STK33: variants seen among roughly 807,000 people sequenced by gnomAD.
STK33 encodes serine/threonine-protein kinase 33.
STK33 carries 52 observed loss-of-function variants against 58.0 expected under a neutral mutation model. The ratio of observed to expected loss-of-function variants is 0.90; its 90% CI spans 0.72 to 1.13. The LOEUF (loss-of-function observed/expected upper bound fraction) is 1.13. Ranked by LOEUF, STK33 falls within the 50% of genes most tolerant of loss-of-function variation. The pLI is 0.00. For missense variants in STK33, 630 were observed against 604.2 expected, an observed-to-expected ratio of 1.04 and a Z score of -0.45; for synonymous variants, 215 against 200.1, an observed-to-expected ratio of 1.07 and a Z score of -0.63.
chr11:8,393,402 C>T (rs1033529825), intron 15 of STK33, among the ~76,000 whole-genome samples: 4 of 152,136 alleles, frequency 2.6e-5, no homozygotes, highest in African/African-American at 9.7e-5. Context: ...CGCCTCATTC[C>T]ACAGTAAAGG....
At chr11:8,488,377 A>G (rs553683929) in intron 1 of STK33, among the ~76,000 whole-genome samples, 1 of 152,168 alleles carries the variant, frequency 6.6e-6, no homozygotes, top group South Asian at 2.1e-4. Flanking sequence ...AGGAAGCTAC[A>G]CACACACATA....
chr11:8,459,352 G>A (rs1947246900), intron 8 of STK33, among the ~76,000 whole-genome samples: 1 of 151,860 alleles, frequency 6.6e-6, no homozygotes, highest in African/African-American at 2.4e-5. Context: ...TGAGGCAGAG[G>A]GTGTCAGACC....
At chr11:8,535,219 C>T (rs1954902311) in intron 1 of STK33, among the ~76,000 whole-genome samples, 1 of 152,082 alleles carries the variant, frequency 6.6e-6, no homozygotes, top group Non-Finnish European at 1.5e-5. Context: ...AGTTATTGGG[C>T]TTATTTCTAA....
At chr11:8,404,502 T>A (rs1938726345) in intron 15 of STK33, among the ~76,000 whole-genome samples, 1 of 152,220 alleles carries the variant, frequency 6.6e-6, no homozygotes, top group African/African-American at 2.4e-5. Context: ...TTTTCTAAAC[T>A]TCATATACAT....
rs1953287710 is a variant in STK33, at chr11:8,520,331, A to G, written c.-465-39717T>C. Among the ~76,000 whole-genome samples, 4 of 152,344 alleles carry G rather than the reference A, an allele frequency of 2.6e-5. No individual in the cohort carries two copies. In the South Asian group the frequency reaches 8.3e-4, roughly 32 times the overall value. On this transcript the variant is annotated intron_variant, in intron 1 of 15. Coordinates refer to ENST00000687296, the MANE Select transcript of STK33 (RefSeq NM_001352389.2). ...AAAACTCTCAATAAACTAGGTATTG[A>G]TGGGACATATCTCAAAATAATAAGA...
At chr11:8,491,233 G>A (rs936895985) in intron 1 of STK33, among the ~76,000 whole-genome samples, 1 of 152,292 alleles carries the variant, frequency 6.6e-6, no homozygotes, top group Non-Finnish European at 1.5e-5. Flanking sequence ...AATAAACAGT[G>A]TAGAAAAGAA....
the STK33 span, among the ~76,000 whole-genome samples, chr11:8,343,678 G>A: frequency 3.3e-5 from 5 of 152,104 alleles, no homozygotes; most frequent in African/African-American, 1.2e-4. Context: ...TCTCATAGCT[G>A]GCCTCTCCCT....
chr11:8,354,474 TCACACACACA>T, the STK33 span, among the ~76,000 whole-genome samples: 487 of 124,758 alleles, frequency 3.9e-3, 1 homozygote, highest in Non-Finnish European at 5.5e-3. Context: ...CTGCAAAACC[TCACACACACA>T]CACACACACA....
At chr11:8,560,170 G>A (rs1957026363) in intron 1 of STK33, among the ~76,000 whole-genome samples, 1 of 152,088 alleles carries the variant, frequency 6.6e-6, no homozygotes, top group Admixed American at 6.5e-5. Context: ...CAGTAGCACT[G>A]CAGAGATAAA....
intron 1 of STK33, among the ~76,000 whole-genome samples, chr11:8,535,882 TATACTAGA>T (rs920450280): frequency 2.0e-5 from 3 of 152,138 alleles, no homozygotes; most frequent in Non-Finnish European, 4.4e-5. Context: ...GTGGTATATA[TATACTAGA>T]ATACTGGAAT....
intron 1 of STK33, among the ~76,000 whole-genome samples, chr11:8,519,395 A>T (rs894702752): frequency 6.6e-6 from 1 of 152,244 alleles, no homozygotes; most frequent in Non-Finnish European, 1.5e-5. Context: ...AGCAGGAAGG[A>T]TCTAAAATTG....
chr11:8,341,442 C>T, the STK33 span, among the ~76,000 whole-genome samples: 41 of 152,362 alleles, frequency 2.7e-4, no homozygotes, highest in African/African-American at 9.6e-4. Context: ...CTCTTCTTTG[C>T]TCCCGCCCCT....
chr11:8,405,978 T>TA (rs1939088543), intron 15 of STK33, among the ~76,000 whole-genome samples: 1 of 151,712 alleles, frequency 6.6e-6, no homozygotes, highest in Admixed American at 6.6e-5. Context: ...CCATCTCTAC[T>TA]AAAAATACAA....
intron 1 of STK33, among the ~76,000 whole-genome samples, chr11:8,514,894 C>T (rs1337262080): frequency 1.3e-5 from 2 of 152,076 alleles, no homozygotes; most frequent in Admixed American, 6.6e-5. Context: ...TTAAAGTTAT[C>T]AGATAGAGAC....
In STK33 at chr11:8,464,695, C is replaced by T; in HGVS notation, c.453+14G>A. ...ACACTGTGCCCTCAGTAGGATGCTG[C>T]TAATGAGCCTTACCTTTTCTTTGTT... On this transcript the variant is annotated intron_variant, in intron 7 of 15. Transcript: ENST00000687296. 6.3e-7 allele frequency: 1 copy of T among 1,589,398 alleles called. No homozygotes were observed. The highest frequency in any genetic ancestry group is 8.6e-7 in the Non-Finnish European group (1 of 1,158,098).
chr11:8,441,405 G>A (rs1944723768), intron 11 of STK33, among the ~76,000 whole-genome samples: 1 of 151,800 alleles, frequency 6.6e-6, no homozygotes, highest in Non-Finnish European at 1.5e-5. Context: ...AGGCTGGAGT[G>A]CAGTGGCATG....
At chr11:8,520,362 T>C (rs560130551) in intron 1 of STK33, among the ~76,000 whole-genome samples, 142 of 152,196 alleles carry the variant, frequency 9.3e-4, no homozygotes, top group African/African-American at 3.3e-3. Flanking sequence ...TAAGAGCTAT[T>C]TATGACAAAC....
intron 1 of STK33, among the ~76,000 whole-genome samples, chr11:8,529,089 A>T (rs1359717240): frequency 6.6e-6 from 1 of 152,212 alleles, no homozygotes; most frequent in Non-Finnish European, 1.5e-5. Context: ...CTAGGGTTTG[A>T]ATCCCAACAG....
chr11:8,474,497 T>G (rs1949077749), intron 5 of STK33, among the ~76,000 whole-genome samples, 184 bp downstream of exon 5: 1 of 152,212 alleles, frequency 6.6e-6, no homozygotes, highest in Non-Finnish European at 1.5e-5. Flanking sequence ...GGGCAGTGGT[T>G]TGAAACATCA....
Sources: gnomAD v4.1 joint callset for allele counts (sites outside exome capture counted in the v4.1 genomes callset) on GRCh38, gnomAD v4.1.1 for gene constraint, MANE v1.5 for transcripts, NCBI Gene and HGNC (gene_info 2026-07-23, HGNC 2026-07-21) for gene names.